Variants in WDR13 observed in about 807,000 individuals in gnomAD.
WDR13 encodes WD repeat domain 13, also known as WD repeat-containing protein 13.
Under a neutral mutation model 28.6 loss-of-function variants are expected in WDR13, and 1 was observed. That is an observed-to-expected ratio of 0.03 (90% CI 0.01 to 0.17). The LOEUF (loss-of-function observed/expected upper bound fraction) is 0.17. Among genes scored for constraint, WDR13 ranks in the 10% least tolerant of loss-of-function variants. The pLI is 1.00. For missense variants in WDR13, 264 were observed against 469.3 expected (o/e 0.56, Z 4.04); for synonymous variants, 201 against 185.9 (o/e 1.08, Z -0.66).
chrX:48,598,649 C>CG (rs1195642602), intron 2 of WDR13, 68 bp from the exon 3 acceptor site: 1 of 791,627 alleles, frequency 1.3e-6, no homozygotes, highest in Non-Finnish European at 1.6e-6. Flanking sequence ...CTGCCGTACC[C>CG]CCCCCCCCGA....
chrX:48,597,894 G>A, intron 1 of WDR13, 64 bp from the exon 2 acceptor site: 1 of 1,103,421 alleles, frequency 9.1e-7, no homozygotes. Flanking sequence ...TGGTCGCCTG[G>A]TGGAAGGGAC....
chrX:48,599,630 C>T lies in WDR13; in HGVS notation c.436C>T (p.Arg146Trp). The T allele has an allele frequency of 8.2e-7, 1 of 1,212,630 alleles. No individual in the cohort carries two copies. The highest frequency in any genetic ancestry group is 1.1e-6 in the Non-Finnish European group (1 of 895,690). Reference sequence around the variant, plus strand: ...GCCCACGTCAGCAGCAGAGGCAAGTCGGGCCATGGCCGGGGACACGTCACT... The same window carrying T: ...GCCCACGTCAGCAGCAGAGGCAAGTTGGGCCATGGCCGGGGACACGTCACT... ...VVPTSAAEAS[R>W]AMAGDTSLSE... is the part of the protein sequence containing the mutation. The change falls in exon 5 of 10, where the codon CGG becomes TGG. Residue 146 changes from arginine to tryptophan, a missense_variant. Physicochemically the swap from Arg to Trp is moderately radical, Grantham distance 101. Coordinates refer to ENST00000376729, the MANE Select transcript of WDR13 (RefSeq NM_001347217.2).
In WDR13 at chrX:48,601,946, C is replaced by G. The variant is rs782051872; in HGVS notation, c.994C>G (p.Leu332Val). The change falls in exon 7 of 10, where the codon CTC becomes GTC. Residue 332 changes from leucine to valine, a missense_variant. Leu to Val is a conservative substitution (Grantham distance 32, BLOSUM62 1). Coordinates refer to ENST00000376729, the MANE Select transcript of WDR13 (RefSeq NM_001347217.2). Reference sequence around the variant, plus strand: ...TGACCGTGGCAGTGTCTTCTCTTTCCTCTTTGATATGGCCACAGGTAGGCA... The same window carrying G: ...TGACCGTGGCAGTGTCTTCTCTTTCGTCTTTGATATGGCCACAGGTAGGCA... ...GDDRGSVFSFLFDMATGKLTK... is the reference protein window; with the variant it reads ...GDDRGSVFSFVFDMATGKLTK... 1 of 1,193,002 alleles carries G rather than the reference C, an allele frequency of 8.4e-7. No individual in the cohort carries two copies. Among genetic ancestry groups the G allele is most frequent in the East Asian group, 3.0e-5 (1 of 33,583 alleles).
Position 48,599,648 on chromosome X carries a change from A to G in WDR13, c.454A>G (p.Thr152Ala). 1 of 1,212,647 alleles carries G rather than the reference A, an allele frequency of 8.2e-7. No individual in the cohort carries two copies. The highest frequency in any genetic ancestry group is 1.8e-5 in the South Asian group (1 of 57,089). The change falls in exon 5 of 10, where the codon ACG becomes GCG. Residue 152 changes from threonine (T) to alanine (A), a missense_variant. Physicochemically the swap from Thr to Ala is moderately conservative, Grantham distance 58 (BLOSUM62 0). Transcript: ENST00000376729. ...AEASRAMAGD[T>A]SLSENYAFAG... ...GGCAAGTCGGGCCATGGCCGGGGACACGTCACTGAGCGAGAACTATGCCTT... is the reference window on the plus strand; with the variant it reads ...GGCAAGTCGGGCCATGGCCGGGGACGCGTCACTGAGCGAGAACTATGCCTT...
chrX:48,600,730 AC>A (rs781999353), intron 6 of WDR13, 104 bp downstream of exon 6: 18 of 872,698 alleles, frequency 2.1e-5, no homozygotes, highest in Admixed American at 3.1e-5. Flanking sequence ...GGGGCCTAGG[AC>A]CCCCCCACCC....
At chrX:48,601,366 G>C (rs1274490392) in intron 6 of WDR13, among the ~76,000 whole-genome samples, 1 of 112,451 alleles carries the variant, frequency 8.9e-6, no homozygotes, top group Non-Finnish European at 1.9e-5. Context: ...CCGGGGTGTA[G>C]TGGGGTGAAC....
rs782655721 is a variant in WDR13 at position 48,599,404 on chromosome X, G to A, written c.334G>A (p.Val112Ile). The stretch of plus-strand genomic sequence containing the variant: ...GGGGGCCCGTGGGCACCGTCGTTCT[G>A]TCAGCAGAGGCTCCTACCAGCTGCA... ...ALGARGHRRSVSRGSYQLQAQ... is the reference protein window; with the variant it reads ...ALGARGHRRSISRGSYQLQAQ... Residue 112 changes from valine (V) to isoleucine (I), a missense_variant, in exon 4 of 10, where the codon GTC becomes ATC. Physicochemically the swap from Val to Ile is conservative, Grantham distance 29. Coordinates refer to ENST00000376729, the MANE Select transcript of WDR13 (RefSeq NM_001347217.2). 2 of 1,209,648 alleles carry A rather than the reference G, an allele frequency of 1.7e-6. No individual in the cohort carries two copies. The highest frequency in any genetic ancestry group is 1.8e-5 in the South Asian group (1 of 56,704).
rs1307089027 is a variant in WDR13, at chrX:48,608,400, G to C, written c.*3368G>C. The C allele has an allele frequency of 8.9e-6, 1 of 111,791 alleles. No individual in the cohort carries two copies. The highest frequency in any genetic ancestry group is 1.9e-5 in the Non-Finnish European group (1 of 53,203). The allele number at this position is 111,791 out of a possible 1,213,427, so 9.2% of individuals were successfully genotyped here. On this transcript the variant is annotated 3_prime_UTR_variant, in exon 10 of 10. Coordinates refer to ENST00000376729, the MANE Select transcript of WDR13 (RefSeq NM_001347217.2). Reference sequence around the variant, plus strand: ...CAAAGTGCTGGCGTTACAGGTGTGAGCCACCACACCCGGCCCGAGTGAGCC... The same window carrying C: ...CAAAGTGCTGGCGTTACAGGTGTGACCCACCACACCCGGCCCGAGTGAGCC...
At position 48,604,323 on chromosome X, in the gene WDR13, G is replaced by A. The variant is rs1556995457; in HGVS notation, c.1206G>A (p.Glu402=). ...TLQLKRSFPI[E]QSSHPVRSIF... is the part of the protein sequence containing the mutation. ...AGCTGAAGAGAAGCTTCCCCATCGA[G>A]CAGAGCTCACATCCTGTGCGCAGCA... The change falls in exon 9 of 10, where the codon GAG becomes GAA. Residue 402 remains glutamate, a synonymous_variant. Coordinates refer to ENST00000376729, the MANE Select transcript of WDR13 (RefSeq NM_001347217.2). The A allele has an allele frequency of 8.3e-7, 1 of 1,211,221 alleles. No individual in the cohort carries two copies. Among genetic ancestry groups the A allele is most frequent in the Non-Finnish European group, 1.1e-6 (1 of 895,265 alleles).
In WDR13 at chrX:48,598,791, G is replaced by A; in HGVS notation, c.116G>A (p.Arg39Gln). The A allele has an allele frequency of 8.3e-7, 1 of 1,207,795 alleles. No individual in the cohort carries two copies. Among genetic ancestry groups the A allele is most frequent in the Non-Finnish European group, 1.1e-6 (1 of 893,380 alleles). The change falls in exon 3 of 10, where the codon CGG (arginine) becomes CAG (glutamine). Residue 39 changes from arginine to glutamine, a missense_variant. Arg to Gln is a conservative substitution (Grantham distance 43). Transcript: ENST00000376729. ...QYIRRRSQLLRENAKAGHPPA... is the reference protein window; with the variant it reads ...QYIRRRSQLLQENAKAGHPPA... Reference sequence around the variant, plus strand: ...ATCCGCCGGCGCAGCCAGCTGCTGCGGGAGAATGCCAAGGCTGGGCACCCC... The same window carrying A: ...ATCCGCCGGCGCAGCCAGCTGCTGCAGGAGAATGCCAAGGCTGGGCACCCC...
In WDR13 at chrX:48,605,402, T is replaced by C. The variant is rs1380059640; in HGVS notation, c.*370T>C. 1 of 169,002 alleles carries C rather than the reference T, an allele frequency of 5.9e-6. No homozygotes were observed. Among genetic ancestry groups the C allele is most frequent in the Non-Finnish European group, 1.1e-5 (1 of 88,279 alleles). 13.9% of individuals were successfully genotyped at this position (169,002 alleles called of 1,213,427 possible). On this transcript the variant is annotated 3_prime_UTR_variant, in exon 10 of 10. Transcript: ENST00000376729. ...CCTAAACTGATGGAAATGCCTGCCT[T>C]CATTGGGCTTGCATCATAGCGGAGA... is the stretch of plus-strand genomic sequence containing the variant.
Sources: gnomAD v4.1 joint callset for allele counts (sites outside exome capture counted in the v4.1 genomes callset) on GRCh38, gnomAD v4.1.1 for gene constraint, MANE v1.5 for transcripts, NCBI Gene and HGNC (gene_info 2026-07-23, HGNC 2026-07-21) for gene names.